DRC8: variants seen among roughly 807,000 people sequenced by gnomAD.
DRC8 encodes the protein dynein regulatory complex protein 8.
chr1:245,095,137 G>A, the DRC8 span, among the ~76,000 whole-genome samples: 2 of 152,236 alleles, frequency 1.3e-5, no homozygotes, highest in African/African-American at 4.8e-5. Flanking sequence ...AACCGGAACA[G>A]CCCGTGCAGG....
At chr1:245,013,980 C>A in the DRC8 span, among the ~76,000 whole-genome samples, 1 of 125,450 alleles carries the variant, frequency 8.0e-6, no homozygotes, top group Admixed American at 1.1e-4. Flanking sequence ...TGTGGTGAGT[C>A]GAGATCATGC....
chr1:245,071,729 G>A, the DRC8 span, among the ~76,000 whole-genome samples: 5 of 152,182 alleles, frequency 3.3e-5, no homozygotes, highest in African/African-American at 1.2e-4. Flanking sequence ...AGGAGATACT[G>A]TATGGAGAAC....
the DRC8 span, chr1:245,082,254 T>G: frequency 8.5e-7 from 1 of 1,171,184 alleles, no homozygotes; most frequent in Non-Finnish European, 1.3e-6. Context: ...ACTTTGTGTG[T>G]TATACTCAAG....
the DRC8 span, among the ~76,000 whole-genome samples, chr1:245,015,910 C>A: frequency 0.12 from 17,394 of 147,732 alleles, 1,361 homozygotes; most frequent in African/African-American, 0.21. Context: ...AACCCTTCAG[C>A]GGCTTCTCAT....
the DRC8 span, among the ~76,000 whole-genome samples, chr1:245,050,842 T>A: frequency 1.3e-5 from 2 of 152,168 alleles, no homozygotes; most frequent in Non-Finnish European, 2.9e-5. Flanking sequence ...TTTGTCCAGA[T>A]CTAAGATTCT....
At chr1:245,086,258 A>G in the DRC8 span, among the ~76,000 whole-genome samples, 1 of 152,266 alleles carries the variant, frequency 6.6e-6, no homozygotes, top group East Asian at 1.9e-4. Context: ...AATATGTAAG[A>G]TGTAAATCTA....
chr1:245,110,013 C>A, the DRC8 span, among the ~76,000 whole-genome samples: 1 of 152,152 alleles, frequency 6.6e-6, no homozygotes, highest in Non-Finnish European at 1.5e-5. Flanking sequence ...AACCATAAGT[C>A]CCTCCCATTT....
the DRC8 span, among the ~76,000 whole-genome samples, chr1:245,036,691 C>T: frequency 7.2e-5 from 11 of 152,248 alleles, no homozygotes; most frequent in South Asian, 6.2e-4. Context: ...TGTGTTACAA[C>T]GCGGATGAAC....
At chr1:244,988,030 G>C in the DRC8 span, among the ~76,000 whole-genome samples, 339 of 151,924 alleles carry the variant, frequency 2.2e-3, 17 homozygotes, top group South Asian at 0.069. Flanking sequence ...AACTTTTTTT[G>C]TTGTTTTTCT....
chr1:244,997,056 T>C, the DRC8 span, among the ~76,000 whole-genome samples: 1 of 152,252 alleles, frequency 6.6e-6, no homozygotes, highest in African/African-American at 2.4e-5. Context: ...GTTTTTATAC[T>C]GTATTGTTTA....
chr1:245,070,338 C>T, the DRC8 span, among the ~76,000 whole-genome samples: 1 of 152,124 alleles, frequency 6.6e-6, no homozygotes, highest in African/African-American at 2.4e-5. Flanking sequence ...TTCCATATTA[C>T]ATATCCATTC....
At chr1:245,023,924 C>T in the DRC8 span, among the ~76,000 whole-genome samples, 1 of 152,102 alleles carries the variant, frequency 6.6e-6, no homozygotes, top group East Asian at 1.9e-4. Flanking sequence ...AATCCCAGCA[C>T]TTTGGGAGGC....
the DRC8 span, among the ~76,000 whole-genome samples, chr1:245,054,688 C>G: frequency 2.0e-5 from 3 of 152,150 alleles, no homozygotes; most frequent in African/African-American, 4.8e-5. Flanking sequence ...TCTTTCCCAG[C>G]CAATACATTC....
chr1:245,021,011 G>C, the DRC8 span, among the ~76,000 whole-genome samples: 9 of 152,104 alleles, frequency 5.9e-5, no homozygotes, highest in Admixed American at 4.6e-4. Context: ...GAATGCAGCT[G>C]TCCTCTGTGA....
the DRC8 span, chr1:245,059,447 C>G: frequency 6.2e-7 from 1 of 1,612,432 alleles, no homozygotes; most frequent in Non-Finnish European, 8.5e-7. Context: ...GCTGCATGAT[C>G]TGATTGCAGA....
chr1:245,004,999 G>C, the DRC8 span, among the ~76,000 whole-genome samples: 1 of 152,146 alleles, frequency 6.6e-6, no homozygotes, highest in Non-Finnish European at 1.5e-5. Flanking sequence ...AAGATGTTAT[G>C]TATTGTCAAA....
chr1:244,997,906 G>T, the DRC8 span, among the ~76,000 whole-genome samples: 1 of 152,002 alleles, frequency 6.6e-6, no homozygotes, highest in African/African-American at 2.4e-5. Flanking sequence ...TTATTAGTCT[G>T]CCTGTAGCTT....
At chr1:245,083,852 G>A in the DRC8 span, 5 of 961,574 alleles carry the variant, frequency 5.2e-6, no homozygotes, top group Admixed American at 3.3e-5. Context: ...TTCTGTGGGG[G>A]TTAAGAGGAC....
the DRC8 span, among the ~76,000 whole-genome samples, chr1:245,065,587 A>G: frequency 1.3e-5 from 2 of 151,920 alleles, no homozygotes; most frequent in African/African-American, 4.8e-5. Context: ...TCTTTGCATA[A>G]TCTGTTTTCT....
Sources: allele counts gnomAD v4.1 joint callset (sites outside exome capture counted in the v4.1 genomes callset), GRCh38; gene constraint gnomAD v4.1.1; transcripts MANE v1.5; gene names NCBI Gene and HGNC (gene_info 2026-07-23, HGNC 2026-07-21).